Variants in FHIT observed in about 807,000 individuals in gnomAD.
FHIT encodes fragile histidine triad diadenosine triphosphatase.
A neutral mutation model predicts 17.9 loss-of-function variants in FHIT; 19 were observed. That is an observed-to-expected ratio of 1.06 (90% confidence interval 0.74 to 1.56). FHIT has a LOEUF of 1.56. Among genes scored for constraint, FHIT ranks in the 40% most tolerant of loss-of-function variants. The probability of loss-of-function intolerance (pLI) is 0.00; values close to 1 mark genes in which losing one functional copy is unlikely to be tolerated. For synonymous variants in FHIT, 81 were observed against 69.7 expected, an observed-to-expected ratio of 1.16 and a Z score of -0.81; for missense variants, 248 against 189.2, an observed-to-expected ratio of 1.31 and a Z score of -1.82.
chr3:61,200,025 G>A (rs186350706), intron 2 of FHIT, among the ~76,000 whole-genome samples: 10 of 152,288 alleles, frequency 6.6e-5, no homozygotes, highest in Admixed American at 6.5e-4. Context: ...TGATTGTAAT[G>A]TTTCACAAGA....
At chr3:61,130,276 C>T (rs2036726340) in intron 2 of FHIT, among the ~76,000 whole-genome samples, 2 of 152,218 alleles carry the variant, frequency 1.3e-5, no homozygotes. Context: ...CCTGTTTCTG[C>T]CATTTCCTTG....
At chr3:60,999,411 G>T (rs942991729) in intron 3 of FHIT, among the ~76,000 whole-genome samples, 1 of 151,072 alleles carries the variant, frequency 6.6e-6, no homozygotes, top group African/African-American at 2.4e-5. Context: ...AAACACTGGA[G>T]AGAAATGCAT....
intron 2 of FHIT, among the ~76,000 whole-genome samples, chr3:61,111,783 G>A (rs989085180): frequency 3.9e-5 from 6 of 152,162 alleles, no homozygotes. Context: ...TATATCCTAA[G>A]CAGATACATA....
chr3:59,852,813 A>G lies in FHIT; in HGVS notation c.348+69533T>C, dbSNP rs76334837. On this transcript the variant is annotated intron_variant, in intron 8 of 9. Coordinates refer to ENST00000492590, the MANE Select transcript of FHIT (RefSeq NM_002012.4). ...TTAGGTAGGCTTCTTTCACTTAGTA[A>G]TATACATTTAAGTTTCCGCCATGTC... is the stretch of plus-strand genomic sequence containing the variant. 2.9e-4 allele frequency among the ~76,000 whole-genome samples: 44 copies of G among 152,244 alleles called. 1 individual carries two copies. The East Asian group carries it at 8.3e-3, about 29-fold the overall frequency.
intron 2 of FHIT, among the ~76,000 whole-genome samples, chr3:61,144,129 G>A (rs1003978886): frequency 1.3e-5 from 2 of 152,036 alleles, no homozygotes; most frequent in Admixed American, 6.6e-5. Flanking sequence ...GTGCAACCAA[G>A]AACACAATCA....
intron 3 of FHIT, among the ~76,000 whole-genome samples, chr3:60,875,721 T>C (rs1377196458): frequency 7.2e-5 from 11 of 152,148 alleles, no homozygotes; most frequent in Admixed American, 6.6e-5. Flanking sequence ...TTTCATATGA[T>C]TTTCATAACA....
chr3:60,350,106 G>A (rs1251688344), intron 5 of FHIT, among the ~76,000 whole-genome samples: 1 of 152,136 alleles, frequency 6.6e-6, no homozygotes, highest in African/African-American at 2.4e-5. Context: ...GATTATTACA[G>A]TACACACTCC....
intron 4 of FHIT, among the ~76,000 whole-genome samples, chr3:60,620,159 A>G (rs1415258339): frequency 6.6e-6 from 1 of 152,220 alleles, no homozygotes; most frequent in Non-Finnish European, 1.5e-5. Flanking sequence ...ACCAAGTGCT[A>G]GTGAGGATGT....
Position 60,262,971 on chromosome 3 carries a change from C to T in FHIT, c.104-248819G>A, listed in dbSNP as rs142763932. On this transcript the variant is annotated intron_variant, in intron 5 of 9. Transcript: ENST00000492590. ...GAAGAACATATTTTTAATGCAAATA[C>T]TTAATAAACGACTTATATCTAGAAT... 1.4e-3 allele frequency among the ~76,000 whole-genome samples: 209 copies of T among 151,858 alleles called. 4 individuals carry two copies. The highest frequency in any genetic ancestry group is 3.9e-3 in the African/African-American group (162 of 41,496).
intron 3 of FHIT, among the ~76,000 whole-genome samples, chr3:60,899,137 A>T (rs1705976437): frequency 1.3e-5 from 2 of 152,232 alleles, no homozygotes; most frequent in Admixed American, 6.5e-5. Context: ...AGCTTAGGAA[A>T]ATAATGCCAT....
intron 4 of FHIT, among the ~76,000 whole-genome samples, chr3:60,763,988 G>A (rs943256578): frequency 1.3e-5 from 2 of 152,102 alleles, no homozygotes; most frequent in African/African-American, 2.4e-5. Context: ...GCTGAGTTAA[G>A]AGGGGCAGGT....
intron 7 of FHIT, among the ~76,000 whole-genome samples, chr3:59,990,100 C>T (rs979790218): frequency 6.6e-6 from 1 of 152,024 alleles, no homozygotes; most frequent in Non-Finnish European, 1.5e-5. Flanking sequence ...AGACCATCAG[C>T]TAAAATATAA....
At chr3:60,693,021 C>T (rs1485646473) in intron 4 of FHIT, among the ~76,000 whole-genome samples, 9 of 152,206 alleles carry the variant, frequency 5.9e-5, no homozygotes, top group Admixed American at 3.3e-4. Context: ...TTCCACCAAA[C>T]ATCTCATTAG....
intron 3 of FHIT, among the ~76,000 whole-genome samples, chr3:60,982,943 C>A (rs1384441664): frequency 6.6e-6 from 1 of 152,098 alleles, no homozygotes; most frequent in Non-Finnish European, 1.5e-5. Flanking sequence ...TTAAAGGGTC[C>A]TCTTTCTGTG....
chr3:60,382,295 G>T (rs1559870125), intron 5 of FHIT, among the ~76,000 whole-genome samples: 2 of 152,204 alleles, frequency 1.3e-5, no homozygotes, highest in African/African-American at 4.8e-5. Flanking sequence ...TGCATTAGCA[G>T]CAGTATAAAA....
chr3:60,002,921 C>G (rs965504845), intron 7 of FHIT, among the ~76,000 whole-genome samples: 2 of 152,118 alleles, frequency 1.3e-5, no homozygotes, highest in Admixed American at 1.3e-4. Flanking sequence ...GGGTAACCAT[C>G]AGAATCAACT....
At chr3:60,961,276 GGTT>G (rs35242657) in intron 3 of FHIT, among the ~76,000 whole-genome samples, 26,163 of 151,934 alleles carry the variant, frequency 0.17, 2,652 homozygotes, top group Middle Eastern at 0.28. Flanking sequence ...TTTTTGATGG[GGTT>G]GTTTGTTTTT....
intron 5 of FHIT, among the ~76,000 whole-genome samples, chr3:60,443,392 T>G (rs1175897850): frequency 6.6e-6 from 1 of 152,180 alleles, no homozygotes; most frequent in African/African-American, 2.4e-5. Context: ...CCATTCAGTA[T>G]GATATTGGCT....
At chr3:60,475,859 C>A (rs937857511) in intron 5 of FHIT, among the ~76,000 whole-genome samples, 4 of 152,152 alleles carry the variant, frequency 2.6e-5, no homozygotes, top group Admixed American at 6.5e-5. Context: ...TTAAGAGTCT[C>A]CAAGGGGAAA....
Sources: allele counts gnomAD v4.1 joint callset (sites outside exome capture counted in the v4.1 genomes callset), GRCh38; gene constraint gnomAD v4.1.1; transcripts MANE v1.5; gene names NCBI Gene and HGNC (gene_info 2026-07-23, HGNC 2026-07-21).